The following SRGAP3 variants were observed in gnomAD, a reference collection of about 807,000 sequenced individuals.
SRGAP3 encodes SLIT-ROBO Rho GTPase activating protein 3, also known as SLIT-ROBO Rho GTPase-activating protein 3.
SRGAP3 carries 39 observed loss-of-function variants against 121.1 expected under a neutral mutation model. The ratio of observed to expected loss-of-function variants is 0.32; its 90% CI spans 0.25 to 0.42. The LOEUF (loss-of-function observed/expected upper bound fraction) is 0.42, where lower values mean the gene tolerates loss of function less well. Among genes scored for constraint, SRGAP3 ranks in the 10% least tolerant of loss-of-function variants. SRGAP3 has a pLI of 1.00. For missense variants in SRGAP3, 1,213 were observed against 1,470.6 expected (o/e 0.82, Z 2.86); for synonymous variants, 601 against 570.0 (o/e 1.05, Z -0.77).
Position 8,985,814 on chromosome 3 carries a change from G to A in SRGAP3, c.3005C>T (p.Pro1002Leu). Residue 1002 changes from proline (P) to leucine (L), a missense_variant, in exon 22 of 22, where the codon CCA becomes CTA. Pro to Leu is a moderately conservative substitution (Grantham distance 98). Around this residue, in one of 2 missense-constraint regions of SRGAP3, gnomAD observed 420 missense variants for 437.7 expected, o/e 0.96. Transcript: ENST00000383836. The surrounding 1 kb of genome is among the most constrained non-coding windows in gnomAD (Gnocchi z 5.1). ...GGCGGGCTCCGAGCTGACGGGGCCT[G>A]GCGGGTTCTTCAGGGGCTCCAGGGT... ...LDTLEPLKNP[P>L]GPVSSEPASP... 6.2e-7 allele frequency: 1 copy of A among 1,600,534 alleles called. No homozygotes were observed. Among genetic ancestry groups the A allele is most frequent in the Non-Finnish European group, 8.5e-7 (1 of 1,179,908 alleles).
chr3:9,277,545 T>G (rs1574965983), intron 3 of SRGAP3, among the ~76,000 whole-genome samples: 1 of 137,358 alleles, frequency 7.3e-6, no homozygotes, highest in African/African-American at 2.8e-5. Context: ...GAGGCGGAGG[T>G]TGCAGTGAAC....
At chr3:9,261,194 G>T (rs1954248790) in intron 3 of SRGAP3, among the ~76,000 whole-genome samples, 1 of 152,052 alleles carries the variant, frequency 6.6e-6, no homozygotes, top group Non-Finnish European at 1.5e-5. Context: ...CCATCCAAAG[G>T]TCACCAACAT....
intron 1 of SRGAP3, among the ~76,000 whole-genome samples, chr3:9,361,435 GGTTTT>G (rs752119347): frequency 3.1e-4 from 47 of 152,092 alleles, no homozygotes; most frequent in Non-Finnish European, 5.1e-4. Context: ...TGTTCTTTTT[GGTTTT>G]GTTTTGTTTT....
intron 20 of SRGAP3, 152 bp downstream of exon 20, chr3:8,992,754 G>A: frequency 7.1e-7 from 1 of 1,414,586 alleles, no homozygotes; most frequent in Admixed American, 1.8e-5. Flanking sequence ...TTGGGCCAAT[G>A]CCAGCCAGCC....
At chr3:9,159,526 G>C (rs1472234639) in intron 1 of SRGAP3, among the ~76,000 whole-genome samples, 1 of 152,142 alleles carries the variant, frequency 6.6e-6, no homozygotes, top group Non-Finnish European at 1.5e-5. Context: ...GGGCAACAAA[G>C]ACACGATCCT....
At chr3:9,144,803 CCTGT>C (rs1291427949) in intron 1 of SRGAP3, among the ~76,000 whole-genome samples, 3 of 152,190 alleles carry the variant, frequency 2.0e-5, no homozygotes. Flanking sequence ...GACTAATACA[CCTGT>C]CTAACTCCTA....
chr3:9,269,516 G>C (rs926409691), intron 3 of SRGAP3, among the ~76,000 whole-genome samples: 2 of 152,202 alleles, frequency 1.3e-5, no homozygotes, highest in Non-Finnish European at 2.9e-5. Context: ...CCAGCCTTCT[G>C]TGTTATTTGC....
At chr3:9,270,379 T>C (rs1015330434) in intron 3 of SRGAP3, among the ~76,000 whole-genome samples, 4 of 152,258 alleles carry the variant, frequency 2.6e-5, no homozygotes, top group Admixed American at 1.3e-4. Flanking sequence ...CACTAATCCA[T>C]GGCGATAGAA....
At chr3:9,172,102 T>C (rs1250708578) in intron 1 of SRGAP3, among the ~76,000 whole-genome samples, 5 of 150,142 alleles carry the variant, frequency 3.3e-5, no homozygotes, top group Admixed American at 2.6e-4. Context: ...TCTTTTTTTT[T>C]TTTTTTTTTG....
intron 18 of SRGAP3, chr3:9,006,970 T>C (rs1475736883): frequency 2.7e-5 from 4 of 148,500 alleles, no homozygotes; most frequent in Non-Finnish European, 6.0e-5. Context: ...TTTTTTTTTT[T>C]TTTTTTTTGA....
At chr3:9,244,368 T>C (rs1463173309) in intron 1 of SRGAP3, among the ~76,000 whole-genome samples, 3 of 152,070 alleles carry the variant, frequency 2.0e-5, no homozygotes, top group Admixed American at 2.0e-4. Context: ...CCCTCTGTGG[T>C]CATCCTCCAT....
intron 3 of SRGAP3, among the ~76,000 whole-genome samples, chr3:9,310,327 C>G (rs867126547): frequency 6.6e-6 from 1 of 152,148 alleles, no homozygotes; most frequent in South Asian, 2.1e-4. Context: ...AGCATCCACT[C>G]CTCTCTTCTC....
chr3:9,117,963 AT>A (rs994775457), intron 2 of SRGAP3, among the ~76,000 whole-genome samples: 23 of 152,248 alleles, frequency 1.5e-4, no homozygotes, highest in East Asian at 7.7e-4. Flanking sequence ...CTACAAAAAA[AT>A]AATTCATTTT....
intron 1 of SRGAP3, among the ~76,000 whole-genome samples, chr3:9,179,930 C>G (rs571517637): frequency 6.6e-6 from 1 of 152,342 alleles, no homozygotes; most frequent in East Asian, 1.9e-4. Context: ...CAGCACAGGG[C>G]CAGATGCCCG....
At chr3:9,042,655 CCT>C (rs2125125049) in intron 10 of SRGAP3, among the ~76,000 whole-genome samples, 1 of 152,278 alleles carries the variant, frequency 6.6e-6, no homozygotes, top group Admixed American at 6.5e-5. Context: ...GCAAATTTGT[CCT>C]GTTTGATTTG....
intron 1 of SRGAP3, among the ~76,000 whole-genome samples, chr3:9,213,879 T>C (rs1952529183): frequency 1.3e-5 from 2 of 152,188 alleles, no homozygotes; most frequent in South Asian, 4.1e-4. Context: ...CCAGGGACTT[T>C]GCACTTGCTG....
At chr3:8,993,783 A>G (rs1942220363) in intron 19 of SRGAP3, among the ~76,000 whole-genome samples, 1 of 152,084 alleles carries the variant, frequency 6.6e-6, no homozygotes, top group Admixed American at 6.5e-5. Flanking sequence ...GCCGAGCCTG[A>G]CCAGAGCTCC....
At chr3:9,102,268 G>A (rs538492072) in intron 3 of SRGAP3, among the ~76,000 whole-genome samples, 1 of 152,318 alleles carries the variant, frequency 6.6e-6, no homozygotes, top group African/African-American at 2.4e-5. Flanking sequence ...TGTGAAGTTG[G>A]CATTGTTACC....
chr3:9,188,510 T>A (rs1416313064), intron 1 of SRGAP3, among the ~76,000 whole-genome samples: 1 of 152,212 alleles, frequency 6.6e-6, no homozygotes, highest in African/African-American at 2.4e-5. Flanking sequence ...ATCTGCCACA[T>A]ATGCCTTCTC....
Sources: gnomAD v4.1 joint callset for allele counts (sites outside exome capture counted in the v4.1 genomes callset) on GRCh38, gnomAD v4.1.1 for gene constraint, gnomAD v4.1.1 regional missense constraint, Gnocchi (gnomAD v3.1) non-coding constraint, MANE v1.5 for transcripts, NCBI Gene and HGNC (gene_info 2026-07-23, HGNC 2026-07-21) for gene names.